Variants in DACH2 observed in about 807,000 individuals in gnomAD.
DACH2 encodes dachshund family transcription factor 2, also known as dachshund homolog 2.
Under a neutral mutation model 35.8 loss-of-function variants are expected in DACH2, and 17 were observed. That is an observed-to-expected ratio of 0.48 (90% confidence interval 0.33 to 0.71). The LOEUF is 0.71. Among genes scored for constraint, DACH2 ranks in the 30% least tolerant of loss-of-function variants. The pLI is 0.02. For synonymous variants in DACH2, 195 were observed against 177.3 expected (o/e 1.10, Z -0.79); for missense variants, 469 against 472.7 (o/e 0.99, Z 0.07).
At chrX:86,522,249 T>A (rs1364399832) in intron 3 of DACH2, among the ~76,000 whole-genome samples, 1 of 111,495 alleles carries the variant, frequency 9.0e-6, no homozygotes, top group Non-Finnish European at 1.9e-5. Context: ...ACAATAAGTG[T>A]GTGTGTATGT....
chrX:86,292,307 C>T (rs1314866915), intron 1 of DACH2, among the ~76,000 whole-genome samples: 1 of 98,556 alleles, frequency 1.0e-5, no homozygotes, highest in Non-Finnish European at 2.0e-5. Flanking sequence ...TGATTTGATT[C>T]TTCTCTCTCT....
chrX:86,814,962 T>G (rs1310084835), intron 10 of DACH2, 128 bp downstream of exon 10: 1 of 750,450 alleles, frequency 1.3e-6, no homozygotes, highest in African/African-American at 2.1e-5. Context: ...CACAGACATA[T>G]TTTGTCCAGG....
chrX:86,683,144 CTTTTG>C (rs1314414334), intron 4 of DACH2, among the ~76,000 whole-genome samples: 1 of 111,087 alleles, frequency 9.0e-6, no homozygotes, highest in Non-Finnish European at 1.9e-5. Flanking sequence ...TTCCTCTTAT[CTTTTG>C]TTTTATCTTG....
At chrX:86,150,702 C>T (rs1477519555) in intron 1 of DACH2, among the ~76,000 whole-genome samples, 1 of 111,474 alleles carries the variant, frequency 9.0e-6, no homozygotes, top group Non-Finnish European at 1.9e-5. Context: ...ATAAAACAGG[C>T]AATTATGGAT....
Position 86,515,666 on chromosome X carries a change from G to A in DACH2, c.640+1275G>A, listed in dbSNP as rs751206407. On this transcript the variant is annotated intron_variant, in intron 3 of 11. Transcript: ENST00000373125. ...AGGACTTTCCTTACTGGCTGACATA[G>A]AAGTGAGGAAGTACTTACATGCTCC... is the stretch of plus-strand genomic sequence containing the variant. Among the ~76,000 whole-genome samples the A allele has an allele frequency of 2.7e-5, 3 of 112,249 alleles. No individual in the cohort carries two copies. In the South Asian group the frequency reaches 1.1e-3, roughly 41 times the overall value.
At chrX:86,341,173 T>C (rs2035406269) in intron 1 of DACH2, among the ~76,000 whole-genome samples, 1 of 112,047 alleles carries the variant, frequency 8.9e-6, no homozygotes, top group Non-Finnish European at 1.9e-5. Flanking sequence ...AAACATACTG[T>C]CTAGAACTTT....
chrX:86,629,271 C>T (rs149765208), intron 3 of DACH2, among the ~76,000 whole-genome samples: 1 of 111,244 alleles, frequency 9.0e-6, no homozygotes, highest in Non-Finnish European at 1.9e-5. Flanking sequence ...CTAATGCACA[C>T]TCTCTCCTAG....
rs182709450 is a variant in DACH2, at chrX:86,769,037, C to G, written c.1240+29155C>G. Among the ~76,000 whole-genome samples, 307 of 110,459 alleles carry G rather than the reference C, an allele frequency of 2.8e-3. 1 individual carries two copies. The highest frequency in any genetic ancestry group is 9.9e-3 in the African/African-American group (300 of 30,304). ...CTATGCAAATCAATAATTTGATTCA[C>G]TATATGAACAGAATTAAAAACAAAA... On this transcript the variant is annotated intron_variant, in intron 7 of 11. Coordinates refer to ENST00000373125, the MANE Select transcript of DACH2 (RefSeq NM_053281.3).
chrX:86,440,027 T>A (rs1010272278), intron 2 of DACH2, among the ~76,000 whole-genome samples: 11 of 111,476 alleles, frequency 9.9e-5, no homozygotes, highest in African/African-American at 3.3e-4. Context: ...GGGTTTTTTC[T>A]ATGGCCCAAA....
chrX:86,774,442 C>T (rs957298674), intron 7 of DACH2, among the ~76,000 whole-genome samples: 8 of 112,156 alleles, frequency 7.1e-5, no homozygotes, highest in African/African-American at 2.6e-4. Context: ...TTCAGATAGA[C>T]TGCAGTGCAC....
intron 2 of DACH2, among the ~76,000 whole-genome samples, chrX:86,508,143 A>C (rs2038350890): frequency 8.9e-6 from 1 of 112,142 alleles, no homozygotes; most frequent in Admixed American, 9.5e-5. Flanking sequence ...ATTCATCATA[A>C]GTTTTCCACA....
At chrX:86,444,742 T>C (rs751819509) in intron 2 of DACH2, among the ~76,000 whole-genome samples, 2 of 111,489 alleles carry the variant, frequency 1.8e-5, no homozygotes, top group Non-Finnish European at 3.8e-5. Context: ...ATACATTTTG[T>C]TGATCTTTTG....
chrX:86,446,288 CT>C (rs753958102), intron 2 of DACH2, among the ~76,000 whole-genome samples: 6,140 of 77,881 alleles, frequency 0.079, 180 homozygotes, highest in East Asian at 0.21. Context: ...AGTCTTGTTT[CT>C]TTTTTTTTTT....
chrX:86,805,306 T>C (rs2042333295), intron 7 of DACH2, among the ~76,000 whole-genome samples: 1 of 112,435 alleles, frequency 8.9e-6, no homozygotes, highest in Non-Finnish European at 1.9e-5. Flanking sequence ...CTTTTAGCCA[T>C]GGCTGAAGGT....
At chrX:86,587,338 T>C (rs2039586756) in intron 3 of DACH2, among the ~76,000 whole-genome samples, 1 of 111,761 alleles carries the variant, frequency 8.9e-6, no homozygotes, top group Admixed American at 9.6e-5. Context: ...CTTATAGATA[T>C]AGCATCATGA....
At chrX:86,251,803 C>T (rs1471368824) in intron 1 of DACH2, among the ~76,000 whole-genome samples, 1 of 111,387 alleles carries the variant, frequency 9.0e-6, no homozygotes, top group African/African-American at 3.3e-5. Flanking sequence ...TATAAACATG[C>T]GTGTACAAGT....
At chrX:86,476,397 A>G (rs2037844304) in intron 2 of DACH2, among the ~76,000 whole-genome samples, 1 of 111,570 alleles carries the variant, frequency 9.0e-6, no homozygotes, top group South Asian at 3.7e-4. Flanking sequence ...TTGTATGTGT[A>G]TACAAATTTC....
chrX:86,538,771 G>T (rs1427331008), intron 3 of DACH2, among the ~76,000 whole-genome samples: 1 of 111,555 alleles, frequency 9.0e-6, no homozygotes, highest in Non-Finnish European at 1.9e-5. Flanking sequence ...TGTTGCTTTG[G>T]GGATTACATG....
At chrX:86,388,584 T>C (rs2036155335) in intron 2 of DACH2, among the ~76,000 whole-genome samples, 1 of 111,740 alleles carries the variant, frequency 8.9e-6, no homozygotes, top group African/African-American at 3.3e-5. Flanking sequence ...CTGGAAATGC[T>C]ACGTTAATAT....
Sources: allele counts gnomAD v4.1 joint callset (sites outside exome capture counted in the v4.1 genomes callset), GRCh38; gene constraint gnomAD v4.1.1; transcripts MANE v1.5; gene names NCBI Gene and HGNC (gene_info 2026-07-23, HGNC 2026-07-21).